Variants in MTHFD1L observed in about 807,000 individuals in gnomAD.
MTHFD1L encodes monofunctional C1-tetrahydrofolate synthase, mitochondrial.
A neutral mutation model predicts 119.5 loss-of-function variants in MTHFD1L; 81 were observed. The ratio of observed to expected loss-of-function variants is 0.68; its 90% CI spans 0.57 to 0.82. The LOEUF (loss-of-function observed/expected upper bound fraction) is 0.82. Among genes scored for constraint, MTHFD1L ranks in the 40% least tolerant of loss-of-function variants. The pLI is 0.00. For synonymous variants in MTHFD1L, 430 were observed against 475.2 expected (o/e 0.90, Z 1.24); for missense variants, 1,125 against 1,253.4 (o/e 0.90, Z 1.55).
chr6:151,091,835 G>A (rs574340402), intron 26 of MTHFD1L, among the ~76,000 whole-genome samples: 1 of 152,302 alleles, frequency 6.6e-6, no homozygotes, highest in Admixed American at 6.5e-5. Flanking sequence ...ACCTGGGCAA[G>A]TGACTTAGCC....
In MTHFD1L at chr6:151,079,525, T is replaced by C. The variant is rs1792910943; in HGVS notation, c.2848-12942T>C. Among the ~76,000 whole-genome samples, 3 of 152,010 alleles carry C rather than the reference T, an allele frequency of 2.0e-5. No homozygotes were observed. In the South Asian group the frequency reaches 6.2e-4, roughly 32 times the overall value. On this transcript the variant is annotated intron_variant, in intron 26 of 27. Transcript: ENST00000367321. ...CAGGCTGGAGTGCGATGGCATGATC[T>C]CGGCTCACAGCTGGAGTGCGATGGC...
intron 24 of MTHFD1L, 149 bp from the exon 25 acceptor site, chr6:151,034,344 A>G (rs1785800408): frequency 3.2e-6 from 2 of 629,578 alleles, no homozygotes; most frequent in Non-Finnish European, 5.7e-6. Flanking sequence ...TAAAAGGAAA[A>G]AAGAGGGTTT....
At chr6:150,970,223 CG>C (rs1797838393) in intron 19 of MTHFD1L, among the ~76,000 whole-genome samples, 1 of 152,094 alleles carries the variant, frequency 6.6e-6, no homozygotes, top group Admixed American at 6.6e-5. Flanking sequence ...TGATTGATGC[CG>C]GGCTCCCCAT....
chr6:150,918,603 A>T lies in MTHFD1L; in HGVS notation c.919A>T (p.Ile307Leu). The T allele has an allele frequency of 6.2e-7, 1 of 1,614,070 alleles. No homozygotes were observed. The highest frequency in any genetic ancestry group is 8.5e-7 in the Non-Finnish European group (1 of 1,179,956). The change falls in exon 9 of 28, where the codon ATA (isoleucine) becomes TTA (leucine). Residue 307 changes from isoleucine to leucine, a missense_variant. Coordinates refer to ENST00000367321, the MANE Select transcript of MTHFD1L (RefSeq NM_015440.5). ...GAAGGTTGGGTGTGGCTCTCCAAGAATACATTTTGGTGGACTCATTGAGGA... is the reference window on the plus strand; with the variant it reads ...GAAGGTTGGGTGTGGCTCTCCAAGATTACATTTTGGTGGACTCATTGAGGA... ...SGKVGCGSPR[I>L]HFGGLIEEDD...
intron 20 of MTHFD1L, among the ~76,000 whole-genome samples, chr6:150,994,930 A>C (rs183001865): frequency 6.6e-6 from 1 of 152,342 alleles, no homozygotes; most frequent in East Asian, 1.9e-4. Flanking sequence ...TTTGCAAGCC[A>C]ATTAGGCATA....
chr6:150,886,853 AGGTGT>A (rs1782388934), intron 6 of MTHFD1L, among the ~76,000 whole-genome samples: 4 of 151,798 alleles, frequency 2.6e-5, no homozygotes, highest in Admixed American at 2.6e-4. Flanking sequence ...TTAATTAGCC[AGGTGT>A]GGTGACTTGT....
At chr6:150,944,801 T>C (rs1267760825) in intron 14 of MTHFD1L, among the ~76,000 whole-genome samples, 1 of 152,214 alleles carries the variant, frequency 6.6e-6, no homozygotes, top group Non-Finnish European at 1.5e-5. Flanking sequence ...CACTGCCAAG[T>C]TATTGGGAGA....
intron 20 of MTHFD1L, among the ~76,000 whole-genome samples, chr6:150,981,693 A>C (rs1465245560): frequency 6.6e-6 from 1 of 152,192 alleles, no homozygotes; most frequent in African/African-American, 2.4e-5. Context: ...TTTAGGAATG[A>C]GTCTGGCTGT....
chr6:150,992,333 C>T (rs184728967), intron 20 of MTHFD1L, among the ~76,000 whole-genome samples: 24 of 152,230 alleles, frequency 1.6e-4, no homozygotes, highest in Non-Finnish European at 2.5e-4. Flanking sequence ...TTGAAAAACA[C>T]ATAACACAAT....
chr6:151,061,329 C>T (rs760253253), intron 26 of MTHFD1L, among the ~76,000 whole-genome samples: 3 of 152,122 alleles, frequency 2.0e-5, no homozygotes, highest in Admixed American at 6.5e-5. Context: ...TGAACTATGA[C>T]GACACCTGAA....
At chr6:150,883,001 A>T (rs1373340074) in intron 5 of MTHFD1L, 115 bp downstream of exon 5, 1 of 1,074,190 alleles carries the variant, frequency 9.3e-7, no homozygotes, top group Non-Finnish European at 1.3e-6. Context: ...GTAATTGGAT[A>T]AAAAAATCAT....
intron 13 of MTHFD1L, among the ~76,000 whole-genome samples, chr6:150,944,159 A>G (rs1176436361): frequency 1.3e-5 from 2 of 152,174 alleles, no homozygotes; most frequent in Non-Finnish European, 2.9e-5. Context: ...TTTGCATGCT[A>G]TTTTATTTAT....
At chr6:151,064,622 T>C (rs1202092555) in intron 26 of MTHFD1L, among the ~76,000 whole-genome samples, 2 of 152,116 alleles carry the variant, frequency 1.3e-5, no homozygotes, top group Non-Finnish European at 2.9e-5. Context: ...CAGTGTTAAA[T>C]TATTTTTAAC....
chr6:150,997,790 AT>A (rs1339088628), intron 20 of MTHFD1L, among the ~76,000 whole-genome samples: 4 of 152,208 alleles, frequency 2.6e-5, no homozygotes, highest in Non-Finnish European at 5.9e-5. Flanking sequence ...AACAAAAAAA[AT>A]ACATACACTG....
At chr6:151,023,402 A>T (rs1360094856) in intron 24 of MTHFD1L, among the ~76,000 whole-genome samples, 1 of 152,024 alleles carries the variant, frequency 6.6e-6, no homozygotes, top group Non-Finnish European at 1.5e-5. Flanking sequence ...ATCCCTCTCA[A>T]ATCTAGATGC....
chr6:151,083,404 G>T (rs1478566713), intron 26 of MTHFD1L, among the ~76,000 whole-genome samples: 1 of 152,088 alleles, frequency 6.6e-6, no homozygotes, highest in African/African-American at 2.4e-5. Context: ...CACCATGTTG[G>T]CCAGGATGGT....
At chr6:150,972,104 A>T (rs763701924) in intron 20 of MTHFD1L, 46 bp downstream of exon 20, 1 of 1,521,708 alleles carries the variant, frequency 6.6e-7, no homozygotes, top group East Asian at 2.3e-5. Flanking sequence ...TATTGAAGAA[A>T]TCTAAAAGCT....
At chr6:151,029,421 C>CAAAT (rs1785031993) in intron 24 of MTHFD1L, among the ~76,000 whole-genome samples, 1 of 150,806 alleles carries the variant, frequency 6.6e-6, no homozygotes, top group Non-Finnish European at 1.5e-5. Flanking sequence ...GACTCTGTCT[C>CAAAT]AAATAAATAA....
At chr6:150,891,115 A>G (rs1243312760) in intron 7 of MTHFD1L, among the ~76,000 whole-genome samples, 1 of 152,134 alleles carries the variant, frequency 6.6e-6, no homozygotes, top group Non-Finnish European at 1.5e-5. Flanking sequence ...CCTCCTGAGT[A>G]GCTGGGACTA....
Sources: gnomAD v4.1 joint callset for allele counts (sites outside exome capture counted in the v4.1 genomes callset) on GRCh38, gnomAD v4.1.1 for gene constraint, MANE v1.5 for transcripts, NCBI Gene and HGNC (gene_info 2026-07-23, HGNC 2026-07-21) for gene names.